ZNF804B: variants seen among roughly 807,000 people sequenced by gnomAD.
The protein encoded by ZNF804B is zinc finger 804B.
In ZNF804B, 80 loss-of-function variants were observed where a neutral mutation model predicts 101.4. The observed-to-expected ratio is 0.79, with a 90% CI of 0.66 to 0.95. The LOEUF (loss-of-function observed/expected upper bound fraction) is 0.95. Among genes scored for constraint, ZNF804B ranks in the 40% least tolerant of loss-of-function variants. The pLI, the probability that ZNF804B is intolerant of heterozygous loss-of-function variation, is 0.00. For synonymous variants in ZNF804B, 622 were observed against 558.8 expected, an observed-to-expected ratio of 1.11 and a Z score of -1.59; for missense variants, 1,673 against 1,561.9, an observed-to-expected ratio of 1.07 and a Z score of -1.20.
At chr7:88,917,911 C>T (rs1792660091) in intron 1 of ZNF804B, among the ~76,000 whole-genome samples, 1 of 151,966 alleles carries the variant, frequency 6.6e-6, no homozygotes, top group Non-Finnish European at 1.5e-5. Context: ...ATGAATAAGA[C>T]AGTTCAAAAT....
intron 1 of ZNF804B, among the ~76,000 whole-genome samples, chr7:88,852,220 G>A (rs769927736): frequency 6.6e-6 from 1 of 152,052 alleles, no homozygotes; most frequent in Non-Finnish European, 1.5e-5. Flanking sequence ...TATTATCAGA[G>A]GACCAGTCTA....
chr7:88,877,651 A>G (rs2115899749), intron 1 of ZNF804B, among the ~76,000 whole-genome samples: 1 of 152,282 alleles, frequency 6.6e-6, no homozygotes, highest in East Asian at 1.9e-4. Context: ...TAAAATAAGC[A>G]TAATAATAGT....
At chr7:89,320,743 A>G (rs1430054332) in intron 2 of ZNF804B, among the ~76,000 whole-genome samples, 1 of 152,160 alleles carries the variant, frequency 6.6e-6, no homozygotes, top group Admixed American at 6.5e-5. Context: ...TATAAAAAAT[A>G]AAGAGAAAAT....
At chr7:89,071,880 C>G (rs1228461028) in intron 1 of ZNF804B, among the ~76,000 whole-genome samples, 1 of 151,962 alleles carries the variant, frequency 6.6e-6, no homozygotes. Flanking sequence ...TTGTGAGATC[C>G]TTATTGTTAC....
intron 1 of ZNF804B, among the ~76,000 whole-genome samples, chr7:88,947,054 T>C (rs1293972533): frequency 1.3e-5 from 2 of 152,048 alleles, no homozygotes; most frequent in Non-Finnish European, 2.9e-5. Flanking sequence ...GGAATGCTTT[T>C]ACACTTTTTT....
At chr7:88,996,923 A>G (rs1788209241) in intron 1 of ZNF804B, among the ~76,000 whole-genome samples, 1 of 152,086 alleles carries the variant, frequency 6.6e-6, no homozygotes, top group African/African-American at 2.4e-5. Context: ...GTTTCCTTCC[A>G]TCAGACTCAA....
intron 1 of ZNF804B, among the ~76,000 whole-genome samples, chr7:88,857,387 G>T (rs1791577938): frequency 6.6e-6 from 1 of 152,064 alleles, no homozygotes; most frequent in African/African-American, 2.4e-5. Flanking sequence ...AAGAAGAAAA[G>T]AGAGAAGAAT....
intron 2 of ZNF804B, among the ~76,000 whole-genome samples, chr7:89,292,743 A>G (rs546821272): frequency 6.6e-6 from 1 of 152,140 alleles, no homozygotes; most frequent in Admixed American, 6.5e-5. Flanking sequence ...ACATTCTACA[A>G]ATTGTTAAAA....
intron 1 of ZNF804B, among the ~76,000 whole-genome samples, chr7:89,123,209 G>A (rs78463386): frequency 0.025 from 3,751 of 151,732 alleles, 141 homozygotes; most frequent in African/African-American, 0.085. Context: ...GTAGAAGGAA[G>A]GGAAGAAGGG....
intron 1 of ZNF804B, among the ~76,000 whole-genome samples, chr7:88,774,395 A>G (rs1489818570): frequency 1.3e-5 from 2 of 151,936 alleles, no homozygotes; most frequent in Non-Finnish European, 2.9e-5. Flanking sequence ...AAAGAAAGCA[A>G]TAGAGCACTA....
At chr7:89,033,784 A>C (rs1053210209) in intron 1 of ZNF804B, among the ~76,000 whole-genome samples, 26 of 152,136 alleles carry the variant, frequency 1.7e-4, no homozygotes, top group African/African-American at 6.3e-4. Context: ...TAAATTTAAG[A>C]ATTTAAAGAA....
At chr7:89,257,912 T>C (rs1789659147) in intron 2 of ZNF804B, among the ~76,000 whole-genome samples, 1 of 152,114 alleles carries the variant, frequency 6.6e-6, no homozygotes, top group Admixed American at 6.6e-5. Context: ...TGAGAAGTTT[T>C]ACATGTTTTC....
chr7:89,194,227 A>G (rs1788508038), intron 1 of ZNF804B, among the ~76,000 whole-genome samples: 1 of 152,078 alleles, frequency 6.6e-6, no homozygotes, highest in South Asian at 2.1e-4. Flanking sequence ...TTTGTCGGAT[A>G]AGTAGGTTGC....
chr7:88,845,980 T>A (rs977334131), intron 1 of ZNF804B, among the ~76,000 whole-genome samples: 3 of 152,158 alleles, frequency 2.0e-5, no homozygotes, highest in African/African-American at 7.2e-5. Flanking sequence ...AGAGAAATCA[T>A]CAACATAGAA....
chr7:89,038,030 C>T (rs1425020618), intron 1 of ZNF804B, among the ~76,000 whole-genome samples: 5 of 152,154 alleles, frequency 3.3e-5, no homozygotes, highest in African/African-American at 9.7e-5. Context: ...TGTACACATG[C>T]ACATACACAC....
intron 1 of ZNF804B, among the ~76,000 whole-genome samples, chr7:89,018,867 T>A (rs1788614011): frequency 6.6e-6 from 1 of 152,050 alleles, no homozygotes; most frequent in Non-Finnish European, 1.5e-5. Flanking sequence ...CTGACCTTAT[T>A]TATGTGTGTC....
Position 89,122,395 on chromosome 7 carries a change from G to A in ZNF804B, c.109-95760G>A, listed in dbSNP as rs116877203. Among the ~76,000 whole-genome samples the A allele has an allele frequency of 1.5e-3, 225 of 152,202 alleles. 2 individuals are homozygous for A. The highest frequency in any genetic ancestry group is 3.4e-3 in the Middle Eastern group (1 of 294). ...GCTGCATTGATTTAGAATTTATATC[G>A]TCCAAAGATTTTCTTGATTAGAAAT... On this transcript the variant is annotated intron_variant, in intron 1 of 3. Coordinates refer to ENST00000333190, the MANE Select transcript of ZNF804B (RefSeq NM_181646.5).
At position 88,803,291 on chromosome 7, in the gene ZNF804B, A is replaced by G. The variant is rs113473795; in HGVS notation, c.108+43207A>G. Among the ~76,000 whole-genome samples the G allele has an allele frequency of 1.5e-3, 231 of 152,306 alleles. 1 individual carries two copies. Among genetic ancestry groups the G allele is most frequent in the Middle Eastern group, 3.4e-3 (1 of 294 alleles). ...AGTAGAACTTGTAGAATGATGGATC[A>G]TGAACCAAATTGAACAAAGAGAAGC... On this transcript the variant is annotated intron_variant, in intron 1 of 3. Transcript: ENST00000333190.
At chr7:89,066,732 A>T (rs1789460449) in intron 1 of ZNF804B, among the ~76,000 whole-genome samples, 2 of 151,766 alleles carry the variant, frequency 1.3e-5, no homozygotes, top group Admixed American at 6.6e-5. Context: ...TAATAAAAAT[A>T]TTACATTCTT....
Sources: gnomAD v4.1 joint callset for allele counts (sites outside exome capture counted in the v4.1 genomes callset) on GRCh38, gnomAD v4.1.1 for gene constraint, MANE v1.5 for transcripts, NCBI Gene and HGNC (gene_info 2026-07-23, HGNC 2026-07-21) for gene names.